The following CLPX variants were observed in gnomAD, a reference collection of about 807,000 sequenced individuals.
CLPX encodes ATP-dependent clpX-like chaperone, mitochondrial.
A neutral mutation model predicts 76.4 loss-of-function variants in CLPX; 34 were observed. That is an observed-to-expected ratio of 0.45 (90% CI 0.34 to 0.59). The LOEUF (loss-of-function observed/expected upper bound fraction) is 0.59. Ranked by LOEUF, CLPX falls within the 20% of genes least tolerant of loss-of-function variation. The probability of loss-of-function intolerance (pLI) is 0.01; values close to 1 mark genes in which losing one functional copy is unlikely to be tolerated. For missense variants in CLPX, 613 were observed against 757.0 expected, an observed-to-expected ratio of 0.81 and a Z score of 2.23; for synonymous variants, 248 against 270.9, an observed-to-expected ratio of 0.92 and a Z score of 0.83.
chr15:65,148,340 T>C lies in CLPX; in HGVS notation c.*2483A>G, dbSNP rs1566976900. 1 of 152,248 alleles carries C rather than the reference T, an allele frequency of 6.6e-6. No individual in the cohort carries two copies. Among genetic ancestry groups the C allele is most frequent in the South Asian group, 2.1e-4 (1 of 4,838 alleles). 9.4% of individuals were successfully genotyped at this position (152,248 alleles called of 1,614,324 possible). A position where few individuals can be genotyped will look rare whatever the true frequency, so the allele number is the denominator to read the frequency against. On this transcript the variant is annotated 3_prime_UTR_variant, in exon 14 of 14. Coordinates refer to ENST00000300107, the MANE Select transcript of CLPX (RefSeq NM_006660.5). ...AACTTCCAAAGCCAAATGTAAGTTG[T>C]TGTGACTAAAATGCCTCCCCAGTAC...
Position 65,166,757 on chromosome 15 carries a change from C to G in CLPX, c.387G>C (p.Lys129Asn). The change falls in exon 4 of 14, where the codon AAG becomes AAC. Residue 129 changes from lysine to asparagine, a missense_variant. Around this residue, in one of 2 missense-constraint regions of CLPX, gnomAD observed 450 missense variants for 638.6 expected, o/e 0.70. Transcript: ENST00000300107. ...ATAGCACAACAAAAAAATGATGACA[C>G]TTTTCACACTTGACAAAACGGGTGG... ...VSSTRFVKCE[K>N]CHHFFVVLSE... The G allele has an allele frequency of 6.2e-7, 1 of 1,613,582 alleles. No homozygotes were observed. Among genetic ancestry groups the G allele is most frequent in the South Asian group, 1.1e-5 (1 of 90,978 alleles).
chr15:65,165,342 T>C (rs2087896695), intron 4 of CLPX, among the ~76,000 whole-genome samples: 2 of 149,440 alleles, frequency 1.3e-5, no homozygotes, highest in Non-Finnish European at 3.0e-5. Context: ...AATAAATAAT[T>C]CAAAAACTCC....
intron 6 of CLPX, among the ~76,000 whole-genome samples, chr15:65,162,278 C>G (rs2087864345): frequency 1.3e-5 from 2 of 152,092 alleles, no homozygotes; most frequent in Non-Finnish European, 2.9e-5. Context: ...AACCAAAAAA[C>G]AGTGTGCTTT....
intron 1 of CLPX, 117 bp from the exon 2 acceptor site, chr15:65,180,321 T>TA: frequency 1.5e-6 from 1 of 681,932 alleles, no homozygotes; most frequent in Non-Finnish European, 2.2e-6. Flanking sequence ...CACAGTAGTA[T>TA]AAACTGAGAG....
intron 5 of CLPX, among the ~76,000 whole-genome samples, chr15:65,163,528 A>G (rs977307976): frequency 3.9e-5 from 6 of 152,220 alleles, no homozygotes; most frequent in African/African-American, 1.2e-4. Flanking sequence ...TTAAATATTC[A>G]TATTTACTCT....
At chr15:65,167,904 ATAAT>A (rs1438034572) in intron 3 of CLPX, among the ~76,000 whole-genome samples, 1 of 151,522 alleles carries the variant, frequency 6.6e-6, no homozygotes, top group African/African-American at 2.4e-5. Flanking sequence ...AAATATATAT[ATAAT>A]TATTTCATAT....
intron 3 of CLPX, among the ~76,000 whole-genome samples, chr15:65,170,694 T>C (rs898505049): frequency 3.3e-5 from 5 of 151,878 alleles, no homozygotes; most frequent in Non-Finnish European, 7.4e-5. Context: ...GATGGTTACC[T>C]GGGAGGCGGA....
chr15:65,154,101 T>G (rs1274619941), intron 11 of CLPX, among the ~76,000 whole-genome samples: 3 of 152,194 alleles, frequency 2.0e-5, no homozygotes, highest in Non-Finnish European at 2.9e-5. Flanking sequence ...AGCCTTATCT[T>G]TAATCATTCA....
chr15:65,166,825 A>C, intron 3 of CLPX, 40 bp from the exon 4 acceptor site: 2 of 1,577,952 alleles, frequency 1.3e-6, no homozygotes, highest in Non-Finnish European at 1.7e-6. Flanking sequence ...GAAATAAAAA[A>C]TAATTCCAAT....
At chr15:65,168,256 C>G (rs1228762480) in intron 3 of CLPX, among the ~76,000 whole-genome samples, 1 of 149,988 alleles carries the variant, frequency 6.7e-6, no homozygotes, top group African/African-American at 2.5e-5. Context: ...TGGTGGTGGG[C>G]GCCTGTAGTC....
intron 3 of CLPX, among the ~76,000 whole-genome samples, chr15:65,176,331 A>C (rs879903861): frequency 2.6e-5 from 4 of 152,206 alleles, no homozygotes; most frequent in Non-Finnish European, 5.9e-5. Flanking sequence ...ATTTAATCCC[A>C]AGAGGAGCTA....
At chr15:65,166,938 T>C (rs369031979) in intron 3 of CLPX, among the ~76,000 whole-genome samples, 153 bp from the exon 4 acceptor site, 1 of 152,356 alleles carries the variant, frequency 6.6e-6, no homozygotes, top group South Asian at 2.1e-4. Context: ...CTCATTTATA[T>C]AGCAAGTATA....
At position 65,185,112 on chromosome 15, in the gene CLPX, G is replaced by C. The variant is rs369619257; in HGVS notation, c.42C>G (p.Val14=). Residue 14 remains valine, a synonymous_variant, in exon 1 of 14, where the codon GTC becomes GTG. Coordinates refer to ENST00000300107, the MANE Select transcript of CLPX (RefSeq NM_006660.5). ...AGGCGAGTGAGGAGGTGATGAGCCG[G>C]ACGGCCGCCGCGCCGCAAGTACAAG... ...CGACTCGAAA[V]RLITSSLASA... 2.1e-5 allele frequency: 34 copies of C among 1,583,234 alleles called. No individual in the cohort carries two copies. Among genetic ancestry groups the C allele is most frequent in the East Asian group, 1.8e-4 (8 of 43,718 alleles).
In CLPX at chr15:65,180,220, A is replaced by T. The variant is rs1333216433; in HGVS notation, c.80-16T>A. 1 of 1,571,814 alleles carries T rather than the reference A, an allele frequency of 6.4e-7. No homozygotes were observed. Among genetic ancestry groups the T allele is most frequent in the South Asian group, 1.2e-5 (1 of 86,052 alleles). On this transcript the variant is annotated splice_polypyrimidine_tract_variant and intron_variant, in intron 1 of 13. Coordinates refer to ENST00000300107, the MANE Select transcript of CLPX (RefSeq NM_006660.5). ...CCAGAAATACCTGAAAATAAAAGGAAATCTACATCAAATATAGACATGCCT... is the reference window on the plus strand; with the variant it reads ...CCAGAAATACCTGAAAATAAAAGGATATCTACATCAAATATAGACATGCCT...
At chr15:65,164,298 ACT>A in intron 4 of CLPX, 110 bp from the exon 5 acceptor site, 2 of 829,026 alleles carry the variant, frequency 2.4e-6, no homozygotes, top group Non-Finnish European at 3.7e-6. Flanking sequence ...CTGAACAAAG[ACT>A]CTCATTAAAA....
chr15:65,175,069 T>C (rs2088071592), intron 3 of CLPX, among the ~76,000 whole-genome samples: 1 of 152,266 alleles, frequency 6.6e-6, no homozygotes, highest in Middle Eastern at 3.4e-3. Flanking sequence ...CTTCAAGTAA[T>C]TAAAAATAAT....
chr15:65,156,646 C>G, intron 9 of CLPX, 198 bp downstream of exon 9: 1 of 448,944 alleles, frequency 2.2e-6, no homozygotes, highest in East Asian at 3.5e-5. Flanking sequence ...TTTAAATTTC[C>G]TAACAAGGTA....
At chr15:65,183,649 A>G (rs1013505763) in intron 1 of CLPX, among the ~76,000 whole-genome samples, 6 of 152,132 alleles carry the variant, frequency 3.9e-5, no homozygotes, top group African/African-American at 1.2e-4. Flanking sequence ...CCTATCTCCT[A>G]TGATTCAAAA....
chr15:65,158,004 TA>T, intron 7 of CLPX, 94 bp from the exon 8 acceptor site: 1 of 1,089,334 alleles, frequency 9.2e-7, no homozygotes, highest in Non-Finnish European at 1.3e-6. Context: ...TAGTATATAA[TA>T]AAAAGTTGTC....
Sources: allele counts gnomAD v4.1 joint callset (sites outside exome capture counted in the v4.1 genomes callset), GRCh38; gene constraint gnomAD v4.1.1; regional missense constraint gnomAD v4.1.1; transcripts MANE v1.5; gene names NCBI Gene and HGNC (gene_info 2026-07-23, HGNC 2026-07-21).